The following RGL1 variants were observed in gnomAD, a reference collection of about 807,000 sequenced individuals.
The protein encoded by RGL1 is ral guanine nucleotide dissociation stimulator-like 1.
Under a neutral mutation model 95.2 loss-of-function variants are expected in RGL1, and 24 were observed. The observed-to-expected ratio is 0.25, with a 90% CI of 0.18 to 0.35. The LOEUF (loss-of-function observed/expected upper bound fraction) is 0.35. RGL1 is among the 10% of genes least tolerant of loss of function. The probability of loss-of-function intolerance (pLI) is 1.00; values close to 1 mark genes in which losing one functional copy is unlikely to be tolerated. For synonymous variants in RGL1, 329 were observed against 344.9 expected (o/e 0.95, Z 0.51); for missense variants, 715 against 936.3 (o/e 0.76, Z 3.08).
At chr1:183,903,244 T>C (rs978953648) in intron 12 of RGL1, among the ~76,000 whole-genome samples, 9 of 152,134 alleles carry the variant, frequency 5.9e-5, no homozygotes, top group Non-Finnish European at 1.0e-4. Context: ...CTCTCGTGGG[T>C]ATACTCGAGA....
intron 2 of RGL1, among the ~76,000 whole-genome samples, chr1:183,751,740 T>C (rs1658014177): frequency 2.0e-5 from 3 of 152,182 alleles, no homozygotes; most frequent in African/African-American, 7.2e-5. Flanking sequence ...AAGCTTAGTA[T>C]CTGGGCCAGA....
At position 183,664,975 on chromosome 1, in the gene RGL1, A is replaced by G. The variant is rs563575639; in HGVS notation, c.-33+28474A>G. On this transcript the variant is annotated intron_variant, in intron 1 of 18. Transcript: ENST00000304685. ...GCCTTGTTCCTGATCTTAGTGGGAA[A>G]GCTTTATTGTTTTTTACCATTAAGT... Among the ~76,000 whole-genome samples, 29 of 152,244 alleles carry G rather than the reference A, an allele frequency of 1.9e-4. No homozygotes were observed. The East Asian group carries it at 5.4e-3, about 28-fold the overall frequency.
intron 1 of RGL1, among the ~76,000 whole-genome samples, chr1:183,675,789 T>C (rs1652790536): frequency 6.6e-6 from 1 of 152,164 alleles, no homozygotes; most frequent in Admixed American, 6.6e-5. Context: ...GCAGTATTTT[T>C]AAAATTTCAG....
At chr1:183,650,536 C>G (rs1237292992) in intron 1 of RGL1, among the ~76,000 whole-genome samples, 1 of 152,134 alleles carries the variant, frequency 6.6e-6, no homozygotes, top group Non-Finnish European at 1.5e-5. Context: ...GAGCGAGACT[C>G]TGTCTCAAAA....
intron 2 of RGL1, among the ~76,000 whole-genome samples, chr1:183,821,128 C>T (rs1662458899): frequency 6.9e-6 from 1 of 144,576 alleles, no homozygotes; most frequent in Admixed American, 7.2e-5. Context: ...AGCGAAACTC[C>T]GTCTAAAATA....
chr1:183,768,652 T>C (rs1659117563), intron 2 of RGL1, among the ~76,000 whole-genome samples: 1 of 151,802 alleles, frequency 6.6e-6, no homozygotes. Context: ...AAAAAAAAAT[T>C]GTAGAGATGA....
intron 12 of RGL1, among the ~76,000 whole-genome samples, chr1:183,902,837 G>A (rs374848820): frequency 9.2e-5 from 14 of 152,150 alleles, no homozygotes; most frequent in African/African-American, 3.1e-4. Flanking sequence ...TTAAATTACT[G>A]GACGAGAATC....
intron 17 of RGL1, 55 bp from the exon 18 acceptor site, chr1:183,926,050 A>C: frequency 6.7e-7 from 1 of 1,489,468 alleles, no homozygotes; most frequent in Non-Finnish European, 9.2e-7. Flanking sequence ...TGCCGTTGTC[A>C]GTACTGAGCT....
At chr1:183,736,949 C>CA (rs11463236) in intron 1 of RGL1, among the ~76,000 whole-genome samples, 150,890 of 152,312 alleles carry the variant, frequency 0.99, 74,758 homozygotes, top group East Asian at 1. Flanking sequence ...TCCTTCCAAA[C>CA]CATTTAAAGA....
At chr1:183,757,831 T>C (rs1240076750) in intron 2 of RGL1, among the ~76,000 whole-genome samples, 8 of 152,258 alleles carry the variant, frequency 5.3e-5, no homozygotes, top group Admixed American at 3.9e-4. Context: ...CAGAGTAAGA[T>C]TGAAATTCAT....
At chr1:183,661,179 C>T (rs1651594147) in intron 1 of RGL1, among the ~76,000 whole-genome samples, 1 of 152,136 alleles carries the variant, frequency 6.6e-6, no homozygotes, top group Admixed American at 6.5e-5. Context: ...CATTCAAAAG[C>T]TAGCAGAAGG....
rs559628894 is a variant in RGL1 at position 183,860,175 on chromosome 1, G to A, written c.348-5821G>A. Among the ~76,000 whole-genome samples, 16 of 152,272 alleles carry A rather than the reference G, an allele frequency of 1.1e-4. No individual in the cohort carries two copies. The East Asian group carries it at 2.9e-3, about 28-fold the overall frequency. ...CCTTGAGTCAGCAGCTTCATGTGAG[G>A]TCTCTCTTTCCTTTACTTCTTCCTT... On this transcript the variant is annotated intron_variant, in intron 3 of 17. Transcript: ENST00000360851.
At chr1:183,676,891 AT>A (rs1215123397) in intron 1 of RGL1, among the ~76,000 whole-genome samples, 6 of 150,418 alleles carry the variant, frequency 4.0e-5, no homozygotes, top group African/African-American at 1.5e-4. Flanking sequence ...ATATTTTTGG[AT>A]TTTTTTTGTG....
rs1186146228 is a variant in RGL1, at chr1:183,795,465, A to G, written c.133-10910A>G. Among the ~76,000 whole-genome samples the G allele has an allele frequency of 2.0e-5, 3 of 152,342 alleles. No homozygotes were observed. In the East Asian group the frequency reaches 5.8e-4, roughly 29 times the overall value. The stretch of plus-strand genomic sequence containing the variant: ...ACTGAGGTGGGAGAGGAGAACAGGG[A>G]AGGATGTCCCAAAGATGGAGAACCA... On this transcript the variant is annotated intron_variant, in intron 2 of 18. Coordinates refer to the RGL1 transcript ENST00000304685.
rs1669698320 is a variant in RGL1 at position 183,927,819 on chromosome 1, T to C, written c.*1527T>C. On this transcript the variant is annotated 3_prime_UTR_variant, in exon 18 of 18. Coordinates refer to ENST00000360851, the MANE Select transcript of RGL1 (RefSeq NM_001297671.3). ...GTGCAGATTGTAACATGGAGCTATT[T>C]TTTTTTCTTAATCCCATAATACAGC... The C allele has an allele frequency of 6.6e-6, 1 of 152,664 alleles. No individual in the cohort carries two copies. The highest frequency in any genetic ancestry group is 2.4e-5 in the African/African-American group (1 of 41,466). 9.5% of individuals were successfully genotyped at this position (152,664 alleles called of 1,614,324 possible).
intron 1 of RGL1, among the ~76,000 whole-genome samples, chr1:183,683,030 A>T (rs1653331680): frequency 6.6e-6 from 1 of 150,492 alleles, no homozygotes. Flanking sequence ...CTTGGTATAT[A>T]TTTCTCCATC....
intron 1 of RGL1, among the ~76,000 whole-genome samples, chr1:183,702,372 ATAG>A (rs1654650865): frequency 6.6e-6 from 1 of 152,234 alleles, no homozygotes; most frequent in African/African-American, 2.4e-5. Flanking sequence ...TTTTTGATAA[ATAG>A]TAGAATATGT....
chr1:183,898,312 C>T (rs1332947655), intron 10 of RGL1, among the ~76,000 whole-genome samples: 1 of 151,944 alleles, frequency 6.6e-6, no homozygotes, highest in Non-Finnish European at 1.5e-5. Context: ...GTCTTCTCCA[C>T]AGGGCCCTGG....
At chr1:183,642,379 TCAATC>T (rs1649984118) in intron 1 of RGL1, among the ~76,000 whole-genome samples, 1 of 152,210 alleles carries the variant, frequency 6.6e-6, no homozygotes, top group African/African-American at 2.4e-5. Flanking sequence ...CCAATGATAT[TCAATC>T]AGCAAGTGGC....
Sources: gnomAD v4.1 joint callset for allele counts (sites outside exome capture counted in the v4.1 genomes callset) on GRCh38, gnomAD v4.1.1 for gene constraint, MANE v1.5 for transcripts, NCBI Gene and HGNC (gene_info 2026-07-23, HGNC 2026-07-21) for gene names.